The following RERG variants were observed in gnomAD, a reference collection of about 807,000 sequenced individuals.
RERG encodes the protein ras-related and estrogen-regulated growth inhibitor.
A neutral mutation model predicts 23.2 loss-of-function variants in RERG; 25 were observed. The observed-to-expected ratio is 1.08, with a 90% CI of 0.79 to 1.50. The LOEUF (loss-of-function observed/expected upper bound fraction) is 1.50. Ranked by LOEUF, RERG falls within the 40% of genes most tolerant of loss-of-function variation. RERG has a pLI of 0.00. For synonymous variants in RERG, 81 were observed against 89.1 expected (o/e 0.91, Z 0.51); for missense variants, 253 against 250.1 (o/e 1.01, Z -0.08).
intron 2 of RERG, 61 bp downstream of exon 2, chr12:15,217,368 G>T: frequency 9.0e-7 from 1 of 1,108,638 alleles, no homozygotes; most frequent in Non-Finnish European, 1.4e-6. Context: ...CCAAGAAACA[G>T]TAATAAAGAA....
chr12:15,184,636 A>G (rs111263327), intron 2 of RERG, among the ~76,000 whole-genome samples: 3 of 152,188 alleles, frequency 2.0e-5, no homozygotes, highest in African/African-American at 7.2e-5. Context: ...GAAGTGATGA[A>G]TTTAATAGCG....
At position 15,163,724 on chromosome 12, in the gene RERG, G is replaced by A. The variant is rs117191231; in HGVS notation, c.62-42605C>T. On this transcript the variant is annotated intron_variant, in intron 2 of 4. Transcript: ENST00000256953. ...ACTAGAGGTGATGAAACAACAGGAG[G>A]AAATGGGTAACCAGAGCCCAGCATC... Among the ~76,000 whole-genome samples, 394 of 152,332 alleles carry A rather than the reference G, an allele frequency of 2.6e-3. No individual in the cohort carries two copies. In the East Asian group the frequency reaches 0.027, roughly 10 times the overall value.
At chr12:15,198,634 T>C (rs1297862182) in intron 2 of RERG, among the ~76,000 whole-genome samples, 1 of 152,168 alleles carries the variant, frequency 6.6e-6, no homozygotes, top group African/African-American at 2.4e-5. Flanking sequence ...TTTACTATCA[T>C]AGAGTTCTGT....
At chr12:15,186,518 G>T (rs181865755) in intron 2 of RERG, among the ~76,000 whole-genome samples, 13 of 152,148 alleles carry the variant, frequency 8.5e-5, no homozygotes, top group Admixed American at 8.5e-4. Flanking sequence ...TTGAGTCAAA[G>T]AGACCAGGAA....
chr12:15,199,731 T>C (rs1156654413), intron 2 of RERG, among the ~76,000 whole-genome samples: 1 of 152,048 alleles, frequency 6.6e-6, no homozygotes, highest in Non-Finnish European at 1.5e-5. Context: ...AGCGGGGATT[T>C]GAAAATTATA....
chr12:15,140,758 C>T (rs1864224746), intron 2 of RERG, among the ~76,000 whole-genome samples: 1 of 152,040 alleles, frequency 6.6e-6, no homozygotes, highest in African/African-American at 2.4e-5. Flanking sequence ...TCTGATGAGT[C>T]TGCTATGTAA....
intron 1 of RERG, chr12:15,218,137 G>A (rs1257991315): frequency 2.6e-5 from 4 of 152,222 alleles, no homozygotes; most frequent in Admixed American, 6.5e-5. Context: ...GACAGATACA[G>A]ATACACATGT....
intron 2 of RERG, among the ~76,000 whole-genome samples, chr12:15,210,370 A>T (rs1168623381): frequency 1.3e-5 from 2 of 152,238 alleles, no homozygotes; most frequent in Non-Finnish European, 2.9e-5. Context: ...AATTTTAATA[A>T]TATATTCCAA....
chr12:15,170,189 C>T (rs12300766), intron 2 of RERG, among the ~76,000 whole-genome samples: 2,569 of 151,904 alleles, frequency 0.017, 56 homozygotes, highest in African/African-American at 0.058. Context: ...AAAATAAATG[C>T]TTTGAGTTAT....
rs368145201 is a variant in RERG at position 15,141,595 on chromosome 12, AG to A, written c.62-20477del. Among the ~76,000 whole-genome samples the A allele has an allele frequency of 1.5e-3, 230 of 152,286 alleles. 6 individuals are homozygous for A. In the South Asian group the frequency reaches 0.046, roughly 30 times the overall value. Reference sequence around the variant, plus strand: ...TTCACAGTCCCATCAGCTTCTGTTCAGGTGAACTGATCTTGCCTATGATTTT... The same window carrying A: ...TTCACAGTCCCATCAGCTTCTGTTCAGTGAACTGATCTTGCCTATGATTTT... On this transcript the variant is annotated intron_variant, in intron 2 of 4. Transcript: ENST00000256953.
intron 3 of RERG, among the ~76,000 whole-genome samples, chr12:15,116,696 C>T (rs916572490): frequency 6.6e-6 from 1 of 151,532 alleles, no homozygotes; most frequent in Non-Finnish European, 1.5e-5. Flanking sequence ...AAGTATTGCC[C>T]GAAAAGGTAA....
chr12:15,187,684 G>A (rs903267942), intron 2 of RERG, among the ~76,000 whole-genome samples: 12 of 151,076 alleles, frequency 7.9e-5, no homozygotes, highest in East Asian at 5.9e-4. Context: ...TCGGCCTCCC[G>A]AGTAGCTGGA....
chr12:15,189,529 G>T (rs10459101), intron 2 of RERG, among the ~76,000 whole-genome samples: 41,199 of 151,930 alleles, frequency 0.27, 6,695 homozygotes, highest in African/African-American at 0.46. Flanking sequence ...AGTCTCATCA[G>T]TTTTCCCCAT....
chr12:15,117,176 A>G (rs1863737825), intron 3 of RERG, among the ~76,000 whole-genome samples: 1 of 132,482 alleles, frequency 7.5e-6, no homozygotes, highest in Non-Finnish European at 1.6e-5. Flanking sequence ...ACACTTTAGT[A>G]TGGACACTTA....
intron 2 of RERG, among the ~76,000 whole-genome samples, chr12:15,204,428 T>C (rs1181522891): frequency 2.6e-5 from 4 of 151,652 alleles, no homozygotes; most frequent in Non-Finnish European, 5.9e-5. Context: ...TCAACTAAAA[T>C]GGATTAAAGA....
At position 15,111,360 on chromosome 12, in the gene RERG, A is replaced by C. The variant is rs766095672; in HGVS notation, c.176T>G (p.Leu59Arg). The C allele has an allele frequency of 6.2e-7, 1 of 1,612,202 alleles. No homozygotes were observed. Among genetic ancestry groups the C allele is most frequent in the Non-Finnish European group, 8.5e-7 (1 of 1,178,468 alleles). The change falls in exon 4 of 5, where the codon CTA becomes CGA. Residue 59 changes from leucine to arginine, a missense_variant. Physicochemically the swap from Leu to Arg is moderately radical, Grantham distance 102 (BLOSUM62 -2). Coordinates refer to ENST00000256953, the MANE Select transcript of RERG (RefSeq NM_032918.3). Reference sequence around the variant, plus strand: ...TTTATTCACCTGACCAGCAGTGTCTAGTATCTCCATGGAAACAACTTCATC... The same window carrying C: ...TTTATTCACCTGACCAGCAGTGTCTCGTATCTCCATGGAAACAACTTCATC... ...IDDEVVSMEI[L>R]DTAGQEDTIQ...
chr12:15,198,723 T>A (rs1591667435), intron 2 of RERG, among the ~76,000 whole-genome samples: 1 of 152,290 alleles, frequency 6.6e-6, no homozygotes, highest in East Asian at 1.9e-4. Flanking sequence ...CTCCTTCACC[T>A]TCTAGAAGCC....
At chr12:15,150,146 G>A (rs1002571048) in intron 2 of RERG, among the ~76,000 whole-genome samples, 1 of 152,184 alleles carries the variant, frequency 6.6e-6, no homozygotes, top group Non-Finnish European at 1.5e-5. Flanking sequence ...GAGCTTAGTA[G>A]TCACCTTTGG....
chr12:15,176,122 G>C (rs2136125351), intron 2 of RERG, among the ~76,000 whole-genome samples: 1 of 152,170 alleles, frequency 6.6e-6, no homozygotes, highest in Non-Finnish European at 1.5e-5. Flanking sequence ...AAATTATAGA[G>C]GTAGAGGTCC....
Sources: gnomAD v4.1 joint callset for allele counts (sites outside exome capture counted in the v4.1 genomes callset) on GRCh38, gnomAD v4.1.1 for gene constraint, MANE v1.5 for transcripts, NCBI Gene and HGNC (gene_info 2026-07-23, HGNC 2026-07-21) for gene names.